The following TMC2 variants were observed in gnomAD, a reference collection of about 807,000 sequenced individuals.
The protein encoded by TMC2 is transmembrane channel like 2.
In TMC2, 102 loss-of-function variants were observed where a neutral mutation model predicts 105.9. The ratio of observed to expected loss-of-function variants is 0.96; its 90% CI spans 0.82 to 1.14. The LOEUF is 1.14. Ranked by LOEUF, TMC2 falls within the 50% of genes most tolerant of loss-of-function variation. The pLI is 0.00. For missense variants in TMC2, 1,093 were observed against 1,134.3 expected (o/e 0.96, Z 0.52); for synonymous variants, 402 against 422.8 (o/e 0.95, Z 0.60).
At chr20:2,569,550 T>G (rs1284196242) in intron 4 of TMC2, among the ~76,000 whole-genome samples, 2 of 152,256 alleles carry the variant, frequency 1.3e-5, no homozygotes, top group African/African-American at 4.8e-5. Context: ...CATTTTCAAC[T>G]TAACGATGTT....
chr20:2,562,945 CAA>C (rs1002858411), intron 4 of TMC2, among the ~76,000 whole-genome samples: 1 of 145,042 alleles, frequency 6.9e-6, no homozygotes. Flanking sequence ...GACTCTGTAT[CAA>C]AAAAAAAAGA....
At position 2,558,690 on chromosome 20, in the gene TMC2, C is replaced by T. The variant is rs140733884; in HGVS notation, c.317C>T (p.Ser106Phe). 3,380 of 1,604,266 alleles carry T rather than the reference C, an allele frequency of 2.1e-3. 65 individuals carry two copies. In the African/African-American group the frequency reaches 0.04, roughly 19 times the overall value. Reference protein sequence around the residue: ...EGRRKRDERASFQERTAAPKR... With the variant: ...EGRRKRDERAFFQERTAAPKR... ...AGGAGAAAGCGCGACGAGAGGGCCT[C>T]CTTCCAGGAGCGGACAGCAGCCCCA... Residue 106 changes from serine to phenylalanine, a missense_variant, in exon 3 of 20, where the codon TCC (serine) becomes TTC (phenylalanine). Ser to Phe is a radical substitution (Grantham distance 155). Transcript: ENST00000358864. The surrounding 1 kb of genome is among the most constrained non-coding windows in gnomAD (Gnocchi z 4.6).
intron 2 of TMC2, among the ~76,000 whole-genome samples, chr20:2,551,073 A>G (rs1458442420): frequency 2.0e-5 from 3 of 152,210 alleles, no homozygotes; most frequent in Non-Finnish European, 2.9e-5. Flanking sequence ...CTGTTTTCCA[A>G]AGTAGCTGTA....
intron 2 of TMC2, among the ~76,000 whole-genome samples, chr20:2,541,010 A>G (rs374074700): frequency 9.9e-5 from 15 of 152,110 alleles, no homozygotes; most frequent in Admixed American, 2.6e-4. Flanking sequence ...ACTCCCTGGC[A>G]TTTCTGCTGG....
At chr20:2,577,144 G>A (rs2086152734) in intron 5 of TMC2, among the ~76,000 whole-genome samples, 1 of 152,002 alleles carries the variant, frequency 6.6e-6, no homozygotes, top group South Asian at 2.1e-4. Context: ...CTGCCCTCAG[G>A]TGATCCACCT....
chr20:2,612,024 C>T (rs2086443808), intron 12 of TMC2, among the ~76,000 whole-genome samples, 167 bp from the exon 13 acceptor site: 2 of 152,146 alleles, frequency 1.3e-5, no homozygotes, highest in African/African-American at 4.8e-5. Flanking sequence ...ACAGCCTCTC[C>T]TGTACATATT....
intron 19 of TMC2, among the ~76,000 whole-genome samples, chr20:2,640,414 A>T (rs2086680104): frequency 6.6e-6 from 1 of 152,154 alleles, no homozygotes; most frequent in African/African-American, 2.4e-5. Flanking sequence ...AGAGGCCCAA[A>T]ATGGCTAGTG....
At chr20:2,620,756 C>T (rs1296654104) in intron 16 of TMC2, among the ~76,000 whole-genome samples, 1 of 152,124 alleles carries the variant, frequency 6.6e-6, no homozygotes, top group East Asian at 1.9e-4. Context: ...CTTCCAAGGG[C>T]AGAACTGTGA....
At chr20:2,609,692 T>C (rs1464696437) in intron 11 of TMC2, among the ~76,000 whole-genome samples, 1 of 152,094 alleles carries the variant, frequency 6.6e-6, no homozygotes, top group Non-Finnish European at 1.5e-5. Context: ...GTGATGGCTC[T>C]CCAGGTGAGA....
chr20:2,602,252 C>A lies in TMC2; in HGVS notation c.1364C>A (p.Ser455Tyr), dbSNP rs199699535. The change falls in exon 11 of 20, where the codon TCT becomes TAT. Residue 455 changes from serine (S) to tyrosine (Y), a missense_variant. Physicochemically the swap from Ser to Tyr is moderately radical, Grantham distance 144. Coordinates refer to ENST00000358864, the MANE Select transcript of TMC2 (RefSeq NM_080751.3). Reference sequence around the variant, plus strand: ...CTCATTTACTTTGTGGTTAAGCGATCTCAGCAATTCTCCAAAATGCAGAAT... The same window carrying A: ...CTCATTTACTTTGTGGTTAAGCGATATCAGCAATTCTCCAAAATGCAGAAT... ...GYLIYFVVKR[S>Y]QQFSKMQNVS... The A allele has an allele frequency of 1.1e-5, 17 of 1,609,982 alleles. No homozygotes were observed. The highest frequency in any genetic ancestry group is 4.0e-5 in the African/African-American group (3 of 74,684).
chr20:2,604,785 C>G (rs2086377223), intron 11 of TMC2, among the ~76,000 whole-genome samples: 1 of 152,202 alleles, frequency 6.6e-6, no homozygotes, highest in Non-Finnish European at 1.5e-5. Flanking sequence ...CATAATGACG[C>G]CTCCATAAAA....
Position 2,558,579 on chromosome 20 carries a change from C to T in TMC2, c.206C>T (p.Pro69Leu), listed in dbSNP as rs961843452. 1.3e-6 allele frequency: 2 copies of T among 1,553,540 alleles called. No homozygotes were observed. The highest frequency in any genetic ancestry group is 1.7e-6 in the Non-Finnish European group (2 of 1,148,206). ...RAGGSPSPGS[P>L]RRKQTGRRRH... ...GGGGGCAGCCCAAGCCCGGGGTCTC[C>T]CCGGAGGAAGCAAACAGGGCGCAGG... Residue 69 changes from proline to leucine, a missense_variant, in exon 3 of 20, where the codon CCC becomes CTC. Pro to Leu is a moderately conservative substitution (Grantham distance 98). Transcript: ENST00000358864. This position sits in a 1 kb window ranked among gnomAD's most constrained non-coding sequence, Gnocchi z 4.6.
At chr20:2,564,532 C>T (rs1012358467) in intron 4 of TMC2, among the ~76,000 whole-genome samples, 1 of 152,188 alleles carries the variant, frequency 6.6e-6, no homozygotes, top group Non-Finnish European at 1.5e-5. Context: ...GAACAGCCAT[C>T]TGTCACTCTA....
chr20:2,636,244 G>A (rs1327243349), intron 18 of TMC2, among the ~76,000 whole-genome samples: 1 of 152,112 alleles, frequency 6.6e-6, no homozygotes, highest in Non-Finnish European at 1.5e-5. Flanking sequence ...CTAAAGAACA[G>A]GAGAAATTCA....
intron 2 of TMC2, among the ~76,000 whole-genome samples, chr20:2,545,968 G>A (rs1206573822): frequency 6.6e-6 from 1 of 152,060 alleles, no homozygotes; most frequent in Non-Finnish European, 1.5e-5. Flanking sequence ...TAAAACTAAT[G>A]TCTTACTTGT....
At chr20:2,626,164 G>T (rs1181800566) in intron 17 of TMC2, among the ~76,000 whole-genome samples, 1 of 152,140 alleles carries the variant, frequency 6.6e-6, no homozygotes, top group East Asian at 1.9e-4. Flanking sequence ...ATCCTGTCAA[G>T]ACTTGATGTT....
rs1568509510 is a variant in TMC2, at chr20:2,572,206, TGAAG to T, written c.584_587del (p.Glu195ValfsTer17). The T allele has an allele frequency of 1.2e-6, 2 of 1,613,278 alleles. No individual in the cohort carries two copies. The highest frequency in any genetic ancestry group is 1.6e-4 in the Middle Eastern group (1 of 6,062). On this transcript the variant is annotated frameshift_variant, in exon 5 of 20. Transcript: ENST00000358864. LOFTEE classifies it high-confidence loss of function. ...AGGCCCAGGAATTTGTGGAGAAGTATGAAGGTGCCTTGGGAAAGGGGAAAGGCAA... is the reference window on the plus strand; with the variant it reads ...AGGCCCAGGAATTTGTGGAGAAGTATGTGCCTTGGGAAAGGGGAAAGGCAA...
intron 2 of TMC2, among the ~76,000 whole-genome samples, chr20:2,539,243 A>G (rs1184486965): frequency 6.6e-6 from 1 of 152,204 alleles, no homozygotes; most frequent in Admixed American, 6.5e-5. Context: ...AGTCTGTTGA[A>G]AACTGATTAT....
chr20:2,611,882 GTGGGTGGA>G (rs1182365012), intron 12 of TMC2, among the ~76,000 whole-genome samples: 85 of 75,062 alleles, frequency 1.1e-3, no homozygotes, highest in African/African-American at 1.7e-3. Context: ...GGGTGGGTGG[GTGGGTGGA>G]TGGATGGATG....
Sources: allele counts gnomAD v4.1 joint callset (sites outside exome capture counted in the v4.1 genomes callset), GRCh38; gene constraint gnomAD v4.1.1; non-coding constraint Gnocchi (gnomAD v3.1); transcripts MANE v1.5; gene names NCBI Gene and HGNC (gene_info 2026-07-23, HGNC 2026-07-21).